Variants in ATP4A observed in about 807,000 individuals in gnomAD.
ATP4A encodes ATPase H+/K+ transporting subunit alpha, also known as potassium-transporting ATPase alpha chain 1.
ATP4A carries 73 observed loss-of-function variants against 112.1 expected under a neutral mutation model. The ratio of observed to expected loss-of-function variants is 0.65; its 90% CI spans 0.54 to 0.79. The LOEUF is 0.79. Ranked by LOEUF, ATP4A falls within the 30% of genes least tolerant of loss-of-function variation. ATP4A has a pLI of 0.00. For synonymous variants in ATP4A, 588 were observed against 588.9 expected (o/e 1.00, Z 0.02); for missense variants, 1,081 against 1,425.9 (o/e 0.76, Z 3.90).
In ATP4A at chr19:35,554,924, T is replaced by C; in HGVS notation, c.2479A>G (p.Ile827Val). ...GGTACCCTGGGCTGTGGACTTACAA[T>C]GTCAGTGCAGAGTTCGATGAAGAGG... ...TILFIELCTD[I>V]FPSVSLAYEK... The change falls in exon 16 of 22, where the codon ATT becomes GTT. Residue 827 changes from isoleucine (I) to valine (V), a missense_variant and splice_region_variant. Ile to Val is a conservative substitution (Grantham distance 29, BLOSUM62 3). Coordinates refer to ENST00000262623, the MANE Select transcript of ATP4A (RefSeq NM_000704.3). 2 of 1,614,074 alleles carry C rather than the reference T, an allele frequency of 1.2e-6. No homozygotes were observed. Among genetic ancestry groups the C allele is most frequent in the South Asian group, 1.1e-5 (1 of 91,068 alleles).
chr19:35,557,949 T>A lies in ATP4A; in HGVS notation c.1501-102A>T. On this transcript the variant is annotated intron_variant, in intron 10 of 21. Transcript: ENST00000262623. This position sits in a 1 kb window ranked among gnomAD's most constrained non-coding sequence, Gnocchi z 4.4. ...TGAGGAGAGGGGCGGGGCCGAGAGC[T>A]CGGTGCGGGCTCTGAGAGCTGCGGG... 1.1e-6 allele frequency: 1 copy of A among 937,696 alleles called. No individual in the cohort carries two copies. The highest frequency in any genetic ancestry group is 1.5e-6 in the Non-Finnish European group (1 of 656,166). The allele number at this position is 937,696 out of a possible 1,614,324, so 58.1% of individuals were successfully genotyped here. A position where few individuals can be genotyped will look rare whatever the true frequency, so the allele number is the denominator to read the frequency against.
In ATP4A at chr19:35,560,436, G is replaced by C; in HGVS notation, c.714C>G (p.Arg238=). The C allele has an allele frequency of 6.2e-7, 1 of 1,613,924 alleles. No homozygotes were observed. The highest frequency in any genetic ancestry group is 8.5e-7 in the Non-Finnish European group (1 of 1,180,030). ...SLTGESEPQT[R]SPECTHESPL... ...GGCTCTCGTGCGTGCACTCGGGTGA[G>C]CGGGTCTGTGGCTCAGACTCCCCTG... is the stretch of plus-strand genomic sequence containing the variant. The change falls in exon 6 of 22, where the codon CGC becomes CGG. Residue 238 remains arginine (R), a synonymous_variant. Transcript: ENST00000262623. The surrounding 1 kb of genome is among the most constrained non-coding windows in gnomAD (Gnocchi z 5.1).
chr19:35,552,240 G>C (rs1477800264), intron 18 of ATP4A, among the ~76,000 whole-genome samples: 1 of 152,140 alleles, frequency 6.6e-6, no homozygotes, highest in Non-Finnish European at 1.5e-5. Flanking sequence ...GCTAACTGTG[G>C]GGATCACTGA....
At chr19:35,561,961 T>C (rs2071673561) in intron 4 of ATP4A, among the ~76,000 whole-genome samples, 1 of 151,586 alleles carries the variant, frequency 6.6e-6, no homozygotes, top group African/African-American at 2.4e-5. Context: ...GTTCAAATGA[T>C]TCTCCTGCCT....
rs200594437 is a variant in ATP4A at position 35,560,552 on chromosome 19, C to T, written c.598G>A (p.Asp200Asn). The T allele has an allele frequency of 2.7e-4, 431 of 1,613,364 alleles. No homozygotes were observed. Among genetic ancestry groups the T allele is most frequent in the Non-Finnish European group, 3.5e-4 (417 of 1,179,988 alleles). ...TCCCCACCTTTCATCTCCACCAGGT[C>T]GCCCACCACCAGTTGGTCAGCGTTG... is the stretch of plus-strand genomic sequence containing the variant. ...QINADQLVVGDLVEMKGGDRV... is the reference protein window; with the variant it reads ...QINADQLVVGNLVEMKGGDRV... Residue 200 changes from aspartate to asparagine, a missense_variant, in exon 6 of 22, where the codon GAC (aspartate) becomes AAC (asparagine). Asp to Asn is a conservative substitution (Grantham distance 23, BLOSUM62 1). This residue lies in a region of ATP4A where 850 missense variants were observed against 1,068.2 expected (regional missense o/e 0.80). Transcript: ENST00000262623. The surrounding 1 kb of genome is among the most constrained non-coding windows in gnomAD (Gnocchi z 5.1).
Position 35,558,825 on chromosome 19 carries a change from C to A in ATP4A, c.1256-139G>T, listed in dbSNP as rs1198828832. On this transcript the variant is annotated intron_variant, in intron 8 of 21. Coordinates refer to ENST00000262623, the MANE Select transcript of ATP4A (RefSeq NM_000704.3). The surrounding 1 kb of genome is among the most constrained non-coding windows in gnomAD (Gnocchi z 5.1). Reference sequence around the variant, plus strand: ...GGGTTCCACCCAACCCTGAGGGACCCAGCCCCCGGATGACCCTTCCCTCTA... The same window carrying A: ...GGGTTCCACCCAACCCTGAGGGACCAAGCCCCCGGATGACCCTTCCCTCTA... 1.6e-6 allele frequency: 2 copies of A among 1,263,478 alleles called. No individual in the cohort carries two copies. The highest frequency in any genetic ancestry group is 3.0e-5 in the African/African-American group (2 of 66,810). 78.3% of individuals were successfully genotyped at this position (1,263,478 alleles called of 1,614,324 possible). A position where few individuals can be genotyped will look rare whatever the true frequency, so the allele number is the denominator to read the frequency against.
chr19:35,557,612 C>T lies in ATP4A; in HGVS notation c.1693+43G>A. ...GTGGTGGGCAGGGTCTGTGCTAGCT[C>T]CTCCTCGCACCTGGAGTCTCCTCCC... On this transcript the variant is annotated intron_variant, in intron 11 of 21. Coordinates refer to ENST00000262623, the MANE Select transcript of ATP4A (RefSeq NM_000704.3). This position sits in a 1 kb window ranked among gnomAD's most constrained non-coding sequence, Gnocchi z 4.4. 6.4e-7 allele frequency: 1 copy of T among 1,559,506 alleles called. No individual in the cohort carries two copies. The highest frequency in any genetic ancestry group is 8.7e-7 in the Non-Finnish European group (1 of 1,150,910).
At position 35,558,006 on chromosome 19, in the gene ATP4A, G is replaced by C. The variant is rs918416149; in HGVS notation, c.1501-159C>G. On this transcript the variant is annotated intron_variant, in intron 10 of 21. Coordinates refer to ENST00000262623, the MANE Select transcript of ATP4A (RefSeq NM_000704.3). This position sits in a 1 kb window ranked among gnomAD's most constrained non-coding sequence, Gnocchi z 5.1. ...TGAAGGTGGAAGATGGAGGCCTTGT[G>C]TGGAGGGGTCCTTGGTAGAAGGTAA... The C allele has an allele frequency of 3.0e-6, 2 of 658,056 alleles. No homozygotes were observed. The highest frequency in any genetic ancestry group is 5.1e-6 in the Non-Finnish European group (2 of 393,974). The allele number at this position is 658,056 out of a possible 1,614,324, so 40.8% of individuals were successfully genotyped here. A position where few individuals can be genotyped will look rare whatever the true frequency, so the allele number is the denominator to read the frequency against.
rs77992477 is a variant in ATP4A, at chr19:35,554,586, C to T, written c.2481+336G>A. Among the ~76,000 whole-genome samples, 572 of 152,178 alleles carry T rather than the reference C, an allele frequency of 3.8e-3. 3 individuals carry two copies. Among genetic ancestry groups the T allele is most frequent in the African/African-American group, 0.013 (526 of 41,518 alleles). ...GTCTATCTGAGGGGGTTTATTTGTC[C>T]GTGTCTGTTTAGGGGCACGTGTCTG... On this transcript the variant is annotated intron_variant, in intron 16 of 21. Transcript: ENST00000262623.
At position 35,551,077 on chromosome 19, in the gene ATP4A, C is replaced by T. The variant is rs1360565062; in HGVS notation, c.2920G>A (p.Val974Ile). 2 of 1,613,102 alleles carry T rather than the reference C, an allele frequency of 1.2e-6. No individual in the cohort carries two copies. Among genetic ancestry groups the T allele is most frequent in the Non-Finnish European group, 1.7e-6 (2 of 1,179,616 alleles). ...TAGCACAGGAAGCAGCCGATGCAGA[C>T]CTGGAACACGATGGCGATCACCAGG... ...KILVIAIVFQVCIGCFLCYCP... is the reference protein window; with the variant it reads ...KILVIAIVFQICIGCFLCYCP... The change falls in exon 20 of 22, where the codon GTC (valine) becomes ATC (isoleucine). Residue 974 changes from valine to isoleucine, a missense_variant. By Grantham distance (29) the Val-to-Ile change is conservative. This residue lies in a region of ATP4A where 219 missense variants were observed against 320.9 expected (regional missense o/e 0.68). Transcript: ENST00000262623. The surrounding 1 kb of genome is among the most constrained non-coding windows in gnomAD (Gnocchi z 5.2).
In ATP4A at chr19:35,558,828, C is replaced by T. The variant is rs2071649642; in HGVS notation, c.1256-142G>A. 8.0e-7 allele frequency: 1 copy of T among 1,255,442 alleles called. No individual in the cohort carries two copies. Among genetic ancestry groups the T allele is most frequent in the Admixed American group, 2.5e-5 (1 of 40,760 alleles). 77.8% of individuals were successfully genotyped at this position (1,255,442 alleles called of 1,614,324 possible). A position where few individuals can be genotyped will look rare whatever the true frequency, so the allele number is the denominator to read the frequency against. Reference sequence around the variant, plus strand: ...TTCCACCCAACCCTGAGGGACCCAGCCCCCGGATGACCCTTCCCTCTAGAC... The same window carrying T: ...TTCCACCCAACCCTGAGGGACCCAGTCCCCGGATGACCCTTCCCTCTAGAC... On this transcript the variant is annotated intron_variant, in intron 8 of 21. Transcript: ENST00000262623. This position sits in a 1 kb window ranked among gnomAD's most constrained non-coding sequence, Gnocchi z 5.1.
At chr19:35,553,328 A>T in intron 17 of ATP4A, 146 bp from the exon 18 acceptor site, 2 of 954,312 alleles carry the variant, frequency 2.1e-6, no homozygotes, top group South Asian at 3.5e-5. Context: ...ACAGGGACAC[A>T]GATACACAAG....
In ATP4A at chr19:35,561,894, C is replaced by T. The variant is rs547708381; in HGVS notation, c.420+541G>A. Among the ~76,000 whole-genome samples the T allele has an allele frequency of 3.4e-3, 490 of 143,338 alleles. 1 individual carries two copies. The highest frequency in any genetic ancestry group is 0.012 in the African/African-American group (452 of 38,580). The allele number at this position is 143,338 out of a possible 152,430, so 94.0% of individuals were successfully genotyped here. A position where few individuals can be genotyped will look rare whatever the true frequency, so the allele number is the denominator to read the frequency against. On this transcript the variant is annotated intron_variant, in intron 4 of 21. Coordinates refer to ENST00000262623, the MANE Select transcript of ATP4A (RefSeq NM_000704.3). The stretch of plus-strand genomic sequence containing the variant: ...TTTTTAAGATGCAGTCTCGCTCTGT[C>T]GCCCAGGCTGGAGTGCAGTGGCATG...
Position 35,558,833 on chromosome 19 carries a change from G to C in ATP4A, c.1256-147C>G, listed in dbSNP as rs773656226. 47 of 1,265,392 alleles carry C rather than the reference G, an allele frequency of 3.7e-5. No homozygotes were observed. Among genetic ancestry groups the C allele is most frequent in the Non-Finnish European group, 4.8e-5 (44 of 924,502 alleles). 78.4% of individuals were successfully genotyped at this position (1,265,392 alleles called of 1,614,324 possible). A position where few individuals can be genotyped will look rare whatever the true frequency, so the allele number is the denominator to read the frequency against. On this transcript the variant is annotated intron_variant, in intron 8 of 21. Coordinates refer to ENST00000262623, the MANE Select transcript of ATP4A (RefSeq NM_000704.3). The surrounding 1 kb of genome is among the most constrained non-coding windows in gnomAD (Gnocchi z 5.1). ...CCCAACCCTGAGGGACCCAGCCCCC[G>C]GATGACCCTTCCCTCTAGACCCGGT...
At position 35,557,800 on chromosome 19, in the gene ATP4A, C is replaced by T. The variant is rs1447949867; in HGVS notation, c.1548G>A (p.Leu516=). 2 of 1,573,458 alleles carry T rather than the reference C, an allele frequency of 1.3e-6. No homozygotes were observed. The highest frequency in any genetic ancestry group is 2.3e-5 in the East Asian group (1 of 42,746). ...LEDPRDPRHL[L]VMKGAPERVL... ...CGCGCTCGGGGGCGCCCTTCATCAC[C>T]AGCAAGTGTCGCGGGTCCCGCGGGT... The change falls in exon 11 of 22, where the codon CTG becomes CTA. Residue 516 remains leucine (L), a synonymous_variant. Transcript: ENST00000262623. The surrounding 1 kb of genome is among the most constrained non-coding windows in gnomAD (Gnocchi z 4.4).
In ATP4A at chr19:35,555,510, T is replaced by C; in HGVS notation, c.2087A>G (p.His696Arg). Residue 696 changes from histidine (H) to arginine (R), a missense_variant, in exon 14 of 22, where the codon CAC becomes CGC. By Grantham distance (29) the His-to-Arg change is conservative (BLOSUM62 0). This residue lies in a region of ATP4A where 850 missense variants were observed against 1,068.2 expected (regional missense o/e 0.80). Transcript: ENST00000262623. This position sits in a 1 kb window ranked among gnomAD's most constrained non-coding sequence, Gnocchi z 6.6. ...PSELVEALRT[H>R]PEMVFARTSP... is the part of the protein sequence containing the mutation. ...GGTGCGCGCAAACACCATCTCGGGG[T>C]GGGTGCGCAGGGCCTCGACCAGTTC... The C allele has an allele frequency of 1.2e-6, 2 of 1,607,142 alleles. No homozygotes were observed. The highest frequency in any genetic ancestry group is 1.7e-6 in the Non-Finnish European group (2 of 1,175,886).
At position 35,555,035 on chromosome 19, in the gene ATP4A, T is replaced by C; in HGVS notation, c.2368A>G (p.Thr790Ala). ...AGCTCTGGGATGTTCTTGGTCAATG[T>C]GTAGGCAATAGACTTCTTCAGGTTG... is the stretch of plus-strand genomic sequence containing the variant. ...FDNLKKSIAYTLTKNIPELTP... is the reference protein window; with the variant it reads ...FDNLKKSIAYALTKNIPELTP... The change falls in exon 16 of 22, where the codon ACA becomes GCA. Residue 790 changes from threonine to alanine, a missense_variant. Thr to Ala is a moderately conservative substitution (Grantham distance 58). Coordinates refer to ENST00000262623, the MANE Select transcript of ATP4A (RefSeq NM_000704.3). This position sits in a 1 kb window ranked among gnomAD's most constrained non-coding sequence, Gnocchi z 6.6. 6.2e-7 allele frequency: 1 copy of C among 1,614,064 alleles called. No individual in the cohort carries two copies. The highest frequency in any genetic ancestry group is 1.1e-5 in the South Asian group (1 of 91,066).
At chr19:35,562,989 C>T (rs1463167077) in intron 3 of ATP4A, among the ~76,000 whole-genome samples, 2 of 150,142 alleles carry the variant, frequency 1.3e-5, no homozygotes, top group Non-Finnish European at 3.0e-5. Flanking sequence ...CCTCTCTCTC[C>T]CTCTCTCCAT....
Position 35,558,256 on chromosome 19 carries a change from A to T in ATP4A, c.1500+106T>A. 1 of 1,390,278 alleles carries T rather than the reference A, an allele frequency of 7.2e-7. No homozygotes were observed. The highest frequency in any genetic ancestry group is 1.4e-5 in the South Asian group (1 of 70,294). 86.1% of individuals were successfully genotyped at this position (1,390,278 alleles called of 1,614,324 possible). A position where few individuals can be genotyped will look rare whatever the true frequency, so the allele number is the denominator to read the frequency against. The stretch of plus-strand genomic sequence containing the variant: ...GATGGGGTGGGGTTTGGCTGCGGAG[A>T]GAAGGGGCAAGGAGCGAAGCCCCTC... On this transcript the variant is annotated intron_variant, in intron 10 of 21. Transcript: ENST00000262623. The surrounding 1 kb of genome is among the most constrained non-coding windows in gnomAD (Gnocchi z 5.1).
Sources: gnomAD v4.1 joint callset for allele counts (sites outside exome capture counted in the v4.1 genomes callset) on GRCh38, gnomAD v4.1.1 for gene constraint, gnomAD v4.1.1 regional missense constraint, Gnocchi (gnomAD v3.1) non-coding constraint, MANE v1.5 for transcripts, NCBI Gene and HGNC (gene_info 2026-07-23, HGNC 2026-07-21) for gene names.